Variants in TAF1L observed in about 807,000 individuals in gnomAD.
TAF1L encodes TATA-box binding protein associated factor 1 like, also known as transcription initiation factor TFIID subunit 1-like.
A neutral mutation model predicts 128.8 loss-of-function variants in TAF1L; 30 were observed. The ratio of observed to expected loss-of-function variants is 0.23; its 90% confidence interval spans 0.17 to 0.32. The LOEUF is 0.32. Ranked by LOEUF, TAF1L falls within the 10% of genes least tolerant of loss-of-function variation. The probability of loss-of-function intolerance (pLI) is 1.00; values close to 1 mark genes in which losing one functional copy is unlikely to be tolerated. For missense variants in TAF1L, 2,099 were observed against 2,253.7 expected (o/e 0.93, Z 1.39); for synonymous variants, 764 against 790.7 (o/e 0.97, Z 0.57).
Position 32,631,849 on chromosome 9 carries a change from C to T in TAF1L, c.3731G>A (p.Arg1244Gln), listed in dbSNP as rs371427336. Reference protein sequence around the residue: ...KHREEMRKERRRIQEQLRRLK... With the variant: ...KHREEMRKERQRIQEQLRRLK... ...CCGCCTCAGTTGCTCTTGAATCCTC[C>T]GCCGTTCTTTCCGCATCTCTTCCCG... The change falls in exon 1 of 1, where the codon CGG becomes CAG. Residue 1244 changes from arginine (R) to glutamine (Q), a missense_variant. Arg to Gln is a conservative substitution (Grantham distance 43). Coordinates refer to ENST00000242310, the MANE Select transcript of TAF1L (RefSeq NM_153809.2). This position sits in a 1 kb window ranked among gnomAD's most constrained non-coding sequence, Gnocchi z 4.1. 6.8e-6 allele frequency: 11 copies of T among 1,614,016 alleles called. No homozygotes were observed. The highest frequency in any genetic ancestry group is 1.6e-4 in the Middle Eastern group (1 of 6,084).
chr9:32,634,875 C>T lies in TAF1L; in HGVS notation c.705G>A (p.Met235Ile), dbSNP rs781526101. 2.5e-6 allele frequency: 4 copies of T among 1,614,080 alleles called. No individual in the cohort carries two copies. The African/African-American group carries it at 4.0e-5, about 16-fold the overall frequency. The change falls in exon 1 of 1, where the codon ATG becomes ATA. Residue 235 changes from methionine (M) to isoleucine (I), a missense_variant. Met to Ile is a conservative substitution (Grantham distance 10). Coordinates refer to ENST00000242310, the MANE Select transcript of TAF1L (RefSeq NM_153809.2). ...GKLTLPLAGI[M>I]QHDATKLLPS... ...GCAACAGCTTGGTGGCATCATGCTG[C>T]ATAATCCCAGCCAATGGAAGGGTCA...
chr9:32,631,680 G>T lies in TAF1L; in HGVS notation c.3900C>A (p.Leu1300=), dbSNP rs762609387. ...AAGGTGGCACATTTGTTTGATAATA[G>T]AGGGGGCAGAATTTGTTAGTCCTCA... The part of the protein sequence containing the change: ...GHMRTNKFCP[L]YYQTNVPPSK... Residue 1300 remains leucine (L), a synonymous_variant, in exon 1 of 1, where the codon CTC becomes CTA. Coordinates refer to ENST00000242310, the MANE Select transcript of TAF1L (RefSeq NM_153809.2). The surrounding 1 kb of genome is among the most constrained non-coding windows in gnomAD (Gnocchi z 4.1). 6 of 1,614,132 alleles carry T rather than the reference G, an allele frequency of 3.7e-6. No individual in the cohort carries two copies. The highest frequency in any genetic ancestry group is 5.1e-6 in the Non-Finnish European group (6 of 1,180,038).
Position 32,634,234 on chromosome 9 carries a change from C to T in TAF1L, c.1346G>A (p.Gly449Asp). Reference protein sequence around the residue: ...DIKHKGTKPQGASLAGWLPSI... With the variant: ...DIKHKGTKPQDASLAGWLPSI... ...AGGAAGCCAGCCTGCCAGGCTTGCA[C>T]CCTGAGGTTTTGTCCCTTTGTGTTT... Residue 449 changes from glycine to aspartate, a missense_variant, in exon 1 of 1, where the codon GGT becomes GAT. Physicochemically the swap from Gly to Asp is moderately conservative, Grantham distance 94 (BLOSUM62 -1). Transcript: ENST00000242310. The T allele has an allele frequency of 6.2e-7, 1 of 1,614,166 alleles. No homozygotes were observed. Among genetic ancestry groups the T allele is most frequent in the Middle Eastern group, 1.6e-4 (1 of 6,062 alleles).
rs751937685 is a variant in TAF1L, at chr9:32,630,702, A to G, written c.4878T>C (p.Tyr1626=). ...VNICYQTITE[Y]DEHLTQLEKD... ...TCTCAAGTTGAGTCAAATGCTCATC[A>G]TACTCAGTAATTGTCTGGTAACAGA... The change falls in exon 1 of 1, where the codon TAT becomes TAC. Residue 1626 remains tyrosine, a synonymous_variant. Coordinates refer to ENST00000242310, the MANE Select transcript of TAF1L (RefSeq NM_153809.2). 1 of 1,614,192 alleles carries G rather than the reference A, an allele frequency of 6.2e-7. No individual in the cohort carries two copies. The highest frequency in any genetic ancestry group is 8.5e-7 in the Non-Finnish European group (1 of 1,180,034).
Position 32,631,313 on chromosome 9 carries a change from G to T in TAF1L, c.4267C>A (p.Pro1423Thr). 2 of 1,614,138 alleles carry T rather than the reference G, an allele frequency of 1.2e-6. No individual in the cohort carries two copies. The highest frequency in any genetic ancestry group is 8.5e-7 in the Non-Finnish European group (1 of 1,180,030). The change falls in exon 1 of 1, where the codon CCT becomes ACT. Residue 1423 changes from proline (P) to threonine (T), a missense_variant. By Grantham distance (38) the Pro-to-Thr change is conservative. Transcript: ENST00000242310. The surrounding 1 kb of genome is among the most constrained non-coding windows in gnomAD (Gnocchi z 4.1). ...TTTGCATTGACTGGAGTGTGGAAAGGGTGTGTATTTGGAAGATCTCTCATG... is the reference window on the plus strand; with the variant it reads ...TTTGCATTGACTGGAGTGTGGAAAGTGTGTGTATTTGGAAGATCTCTCATG... ...NDMRDLPNTHPFHTPVNAKVV... is the reference protein window; with the variant it reads ...NDMRDLPNTHTFHTPVNAKVV...
chr9:32,632,857 T>C lies in TAF1L; in HGVS notation c.2723A>G (p.Tyr908Cys). ...KVSPEQCCAY[Y>C]SMIAAKQRLK... ...TCGTTGCTTTGCAGCTATCATGCTA[T>C]AATAAGCACAGCACTGCTCTGGTGA... is the stretch of plus-strand genomic sequence containing the variant. Residue 908 changes from tyrosine to cysteine, a missense_variant, in exon 1 of 1, where the codon TAT becomes TGT. Physicochemically the swap from Tyr to Cys is radical, Grantham distance 194. Coordinates refer to ENST00000242310, the MANE Select transcript of TAF1L (RefSeq NM_153809.2). The surrounding 1 kb of genome is among the most constrained non-coding windows in gnomAD (Gnocchi z 4.4). 6.2e-7 allele frequency: 1 copy of C among 1,614,230 alleles called. No individual in the cohort carries two copies. The highest frequency in any genetic ancestry group is 8.5e-7 in the Non-Finnish European group (1 of 1,180,036).
At position 32,631,601 on chromosome 9, in the gene TAF1L, T is replaced by C; in HGVS notation, c.3979A>G (p.Ile1327Val). The change falls in exon 1 of 1, where the codon ATT (isoleucine) becomes GTT (valine). Residue 1327 changes from isoleucine (I) to valine (V), a missense_variant. Physicochemically the swap from Ile to Val is conservative, Grantham distance 29. This residue lies in a region of TAF1L where 1,213 missense variants were observed against 1,391.4 expected (regional missense o/e 0.87). Coordinates refer to ENST00000242310, the MANE Select transcript of TAF1L (RefSeq NM_153809.2). This position sits in a 1 kb window ranked among gnomAD's most constrained non-coding sequence, Gnocchi z 4.1. ...ATAAGTTCTTCATTATCATTATGAA[T>C]GACTGTCTTTTCCAACTCCTCCTCC... ...EQEEELEKTV[I>V]HNDNEELIKV... 1.2e-6 allele frequency: 2 copies of C among 1,614,214 alleles called. No homozygotes were observed. Among genetic ancestry groups the C allele is most frequent in the South Asian group, 1.1e-5 (1 of 91,084 alleles).
In TAF1L at chr9:32,634,484, G is replaced by T; in HGVS notation, c.1096C>A (p.Arg366=). ...ACACCCAGCATATCATACCACAGTC[G>T]GGCAGGCCCATAACGCCACTCAGCC... is the stretch of plus-strand genomic sequence containing the variant. The part of the protein sequence containing the change: ...RVAEWRYGPA[R]LWYDMLGVSE... The change falls in exon 1 of 1, where the codon CGA becomes AGA. Residue 366 remains arginine (R), a synonymous_variant. Coordinates refer to ENST00000242310, the MANE Select transcript of TAF1L (RefSeq NM_153809.2). 6.2e-7 allele frequency: 1 copy of T among 1,614,112 alleles called. No homozygotes were observed. Among genetic ancestry groups the T allele is most frequent in the South Asian group, 1.1e-5 (1 of 91,082 alleles).
rs1385615650 is a variant in TAF1L at position 32,635,631 on chromosome 9, A to G, written c.-52T>C. ...CGGAAGTGATCTACTTAGCTCCCTTACCCTACCAGCGTCTACCGGAAGCTG... is the reference window on the plus strand; with the variant it reads ...CGGAAGTGATCTACTTAGCTCCCTTGCCCTACCAGCGTCTACCGGAAGCTG... On this transcript the variant is annotated 5_prime_UTR_variant, in exon 1 of 1. Coordinates refer to ENST00000242310, the MANE Select transcript of TAF1L (RefSeq NM_153809.2). 7.7e-7 allele frequency: 1 copy of G among 1,292,292 alleles called. No individual in the cohort carries two copies. The highest frequency in any genetic ancestry group is 4.8e-5 in the East Asian group (1 of 20,826). The allele number at this position is 1,292,292 out of a possible 1,614,324, so 80.1% of individuals were successfully genotyped here.
Position 32,633,676 on chromosome 9 carries a change from T to C in TAF1L, c.1904A>G (p.His635Arg), listed in dbSNP as rs1822546301. The C allele has an allele frequency of 4.3e-6, 7 of 1,614,132 alleles. No homozygotes were observed. The highest frequency in any genetic ancestry group is 5.9e-6 in the Non-Finnish European group (7 of 1,180,034). ...TGAGTACTTTTTCAGAGGTGGGCGA[T>C]GGAACTGCCGGATTTTGATGGGCCC... is the stretch of plus-strand genomic sequence containing the variant. ...HMGPIKIRQF[H>R]RPPLKKYSFG... is the part of the protein sequence containing the mutation. Residue 635 changes from histidine to arginine, a missense_variant, in exon 1 of 1, where the codon CAT (histidine) becomes CGT (arginine). This residue lies in a region of TAF1L where 1,213 missense variants were observed against 1,391.4 expected (regional missense o/e 0.87). Transcript: ENST00000242310.
Position 32,631,134 on chromosome 9 carries a change from T to C in TAF1L, c.4446A>G (p.Lys1482=), listed in dbSNP as rs754016295. The change falls in exon 1 of 1, where the codon AAA becomes AAG. Residue 1482 remains lysine (K), a synonymous_variant. Coordinates refer to ENST00000242310, the MANE Select transcript of TAF1L (RefSeq NM_153809.2). This position sits in a 1 kb window ranked among gnomAD's most constrained non-coding sequence, Gnocchi z 4.1. ...VKNSATYNGP[K]HSLTQISQSM... ...ATTGAGAGATCTGAGTCAATGAATG[T>C]TTTGGCCCATTGTAGGTCGCACTGT... The C allele has an allele frequency of 8.1e-6, 13 of 1,614,126 alleles. No individual in the cohort carries two copies. The African/African-American group carries it at 1.5e-4, about 18-fold the overall frequency.
rs1448819336 is a variant in TAF1L, at chr9:32,630,583, G to A, written c.4997C>T (p.Pro1666Leu). ...GGATGTGTTGGTATCATACATATCA[G>A]GAGGCTGAGATGTGTAGGGCCCTGG... Reference protein sequence around the residue: ...MTPGPYTSQPPDMYDTNTSLS... With the variant: ...MTPGPYTSQPLDMYDTNTSLS... Residue 1666 changes from proline to leucine, a missense_variant, in exon 1 of 1, where the codon CCT becomes CTT. Pro to Leu is a moderately conservative substitution (Grantham distance 98, BLOSUM62 -3). This residue lies in a region of TAF1L where 404 missense variants were observed against 406.5 expected (regional missense o/e 0.99). Transcript: ENST00000242310. 6.2e-7 allele frequency: 1 copy of A among 1,614,198 alleles called. No homozygotes were observed. The highest frequency in any genetic ancestry group is 1.3e-5 in the African/African-American group (1 of 75,048).
Position 32,634,151 on chromosome 9 carries a change from G to A in TAF1L, c.1429C>T (p.Leu477=), listed in dbSNP as rs1012117722. 1.2e-6 allele frequency: 2 copies of A among 1,614,056 alleles called. No homozygotes were observed. Among genetic ancestry groups the A allele is most frequent in the Non-Finnish European group, 1.7e-6 (2 of 1,180,044 alleles). ...GAGTACCAAGGTTTGTCATCATCCA[G>A]AGTGGGTGCAAAACCTTGCTGAACA... ...YNVQQGFAPT[L]DDDKPWYSIF... Residue 477 remains leucine (L), a synonymous_variant, in exon 1 of 1, where the codon CTG becomes TTG. Coordinates refer to ENST00000242310, the MANE Select transcript of TAF1L (RefSeq NM_153809.2).
chr9:32,633,342 T>C lies in TAF1L; in HGVS notation c.2238A>G (p.Thr746=), dbSNP rs763382629. 1.2e-6 allele frequency: 2 copies of C among 1,614,188 alleles called. No homozygotes were observed. The highest frequency in any genetic ancestry group is 1.7e-6 in the Non-Finnish European group (2 of 1,180,032). The change falls in exon 1 of 1, where the codon ACA becomes ACG. Residue 746 remains threonine (T), a synonymous_variant. Transcript: ENST00000242310. ...GATGGAGAGAGCCCAAGAAAGGAGATGTATGGCAGTAAACAGTTTCCCCAT... is the reference window on the plus strand; with the variant it reads ...GATGGAGAGAGCCCAAGAAAGGAGACGTATGGCAGTAAACAGTTTCCCCAT... ...CKYGETVYCH[T]SPFLGSLHPG...
chr9:32,634,062 A>G lies in TAF1L; in HGVS notation c.1518T>C (p.Asp506=), dbSNP rs144884416. The change falls in exon 1 of 1, where the codon GAT becomes GAC. Residue 506 remains aspartate, a synonymous_variant. Coordinates refer to ENST00000242310, the MANE Select transcript of TAF1L (RefSeq NM_153809.2). ...YGRWEDNIIW[D]AQAMPRLLEP... The stretch of plus-strand genomic sequence containing the variant: ...CCAACAGCCGGGGCATGGCCTGAGC[A>G]TCCCAAATGATATTGTCCTCCCAGC... 413 of 1,614,216 alleles carry G rather than the reference A, an allele frequency of 2.6e-4. 3 individuals are homozygous for G. In the South Asian group the frequency reaches 4.4e-3, roughly 17 times the overall value.
At position 32,633,239 on chromosome 9, in the gene TAF1L, A is replaced by G. The variant is rs1204401942; in HGVS notation, c.2341T>C (p.Phe781Leu). The G allele has an allele frequency of 1.9e-6, 3 of 1,614,074 alleles. No homozygotes were observed. The highest frequency in any genetic ancestry group is 2.7e-5 in the African/African-American group (2 of 74,924). ...VYLHKMPETDFLIIRTRQGYY... is the reference protein window; with the variant it reads ...VYLHKMPETDLLIIRTRQGYY... ...CCCTGTCTTGTCCGAATGATCAGAA[A>G]ATCAGTTTCTGGCATCTTATGAAGA... is the stretch of plus-strand genomic sequence containing the variant. The change falls in exon 1 of 1, where the codon TTT becomes CTT. Residue 781 changes from phenylalanine to leucine, a missense_variant. Physicochemically the swap from Phe to Leu is conservative, Grantham distance 22. Transcript: ENST00000242310.
Position 32,635,507 on chromosome 9 carries a change from T to G in TAF1L, c.73A>C (p.Ser25Arg), listed in dbSNP as rs752402249. ...VTAAIMSDSD[S>R]EEDSSGGGPF... ...CCACCTCCAGATGAATCTTCCTCGC[T>G]GTCCGAGTCTGACATGATGGCGGCA... is the stretch of plus-strand genomic sequence containing the variant. Residue 25 changes from serine to arginine, a missense_variant, in exon 1 of 1, where the codon AGC becomes CGC. Ser to Arg is a moderately radical substitution (Grantham distance 110, BLOSUM62 -1). Around this residue, in one of 4 missense-constraint regions of TAF1L, gnomAD observed 473 missense variants for 429.6 expected, o/e 1.10. Coordinates refer to ENST00000242310, the MANE Select transcript of TAF1L (RefSeq NM_153809.2). 6.2e-7 allele frequency: 1 copy of G among 1,614,212 alleles called. No individual in the cohort carries two copies. The highest frequency in any genetic ancestry group is 8.5e-7 in the Non-Finnish European group (1 of 1,180,032).
At position 32,629,671 on chromosome 9, in the gene TAF1L, T is replaced by G. The variant is rs1430924389; in HGVS notation, c.*428A>C. On this transcript the variant is annotated 3_prime_UTR_variant, in exon 1 of 1. Coordinates refer to ENST00000242310, the MANE Select transcript of TAF1L (RefSeq NM_153809.2). Reference sequence around the variant, plus strand: ...ATACCATGCTTGGAAATTTTCTTTTTTTTTGAGATGGAGTCTCACTCTTTC... The same window carrying G: ...ATACCATGCTTGGAAATTTTCTTTTGTTTTGAGATGGAGTCTCACTCTTTC... The G allele has an allele frequency of 4.4e-6, 1 of 227,788 alleles. No individual in the cohort carries two copies. Among genetic ancestry groups the G allele is most frequent in the Non-Finnish European group, 8.6e-6 (1 of 116,072 alleles). 14.1% of individuals were successfully genotyped at this position (227,788 alleles called of 1,614,324 possible).
In TAF1L at chr9:32,630,841, T is replaced by G; in HGVS notation, c.4739A>C (p.Lys1580Thr). 6.2e-7 allele frequency: 1 copy of G among 1,614,224 alleles called. No homozygotes were observed. Among genetic ancestry groups the G allele is most frequent in the Non-Finnish European group, 8.5e-7 (1 of 1,180,036 alleles). Residue 1580 changes from lysine to threonine, a missense_variant, in exon 1 of 1, where the codon AAG becomes ACG. Transcript: ENST00000242310. Reference protein sequence around the residue: ...ETIRKNISKHKYQSRESFLDD... With the variant: ...ETIRKNISKHTYQSRESFLDD... ...TAGAAAACTCTCCCGACTCTGATAC[T>G]TGTGCTTGGAGATGTTCTTACGTAT... is the stretch of plus-strand genomic sequence containing the variant.
Sources: allele counts gnomAD v4.1 joint callset, GRCh38; gene constraint gnomAD v4.1.1; regional missense constraint gnomAD v4.1.1; non-coding constraint Gnocchi (gnomAD v3.1); transcripts MANE v1.5; gene names NCBI Gene and HGNC (gene_info 2026-07-23, HGNC 2026-07-21).